Variants in SEPTIN9 observed in about 807,000 individuals in gnomAD.
SEPTIN9 encodes septin-9.
In SEPTIN9, 13 loss-of-function variants were observed where a neutral mutation model predicts 56.6. That is an observed-to-expected ratio of 0.23 (90% CI 0.15 to 0.37). The LOEUF is 0.37. Ranked by LOEUF, SEPTIN9 falls within the 10% of genes least tolerant of loss-of-function variation. SEPTIN9 has a pLI of 1.00. For synonymous variants in SEPTIN9, 332 were observed against 334.1 expected (o/e 0.99, Z 0.07); for missense variants, 650 against 823.1 (o/e 0.79, Z 2.57).
chr17:77,345,414 C>T (rs1184503281), intron 2 of SEPTIN9, among the ~76,000 whole-genome samples: 4 of 152,230 alleles, frequency 2.6e-5, no homozygotes, highest in Non-Finnish European at 5.9e-5. Flanking sequence ...GTCCTCCACA[C>T]CTTGCCACGT....
intron 3 of SEPTIN9, among the ~76,000 whole-genome samples, chr17:77,408,996 C>T (rs7216116): frequency 0.32 from 48,193 of 151,782 alleles, 8,401 homozygotes; most frequent in Non-Finnish European, 0.4. Flanking sequence ...TGTCATGCCT[C>T]GGGTCCTGAG....
intron 3 of SEPTIN9, among the ~76,000 whole-genome samples, chr17:77,480,701 C>G (rs538530312): frequency 6.6e-6 from 1 of 152,338 alleles, no homozygotes; most frequent in South Asian, 2.1e-4. Context: ...TGCTGGGTGC[C>G]CACCGGTCCC....
chr17:77,307,728 A>G (rs2032326751), intron 2 of SEPTIN9, among the ~76,000 whole-genome samples: 1 of 152,174 alleles, frequency 6.6e-6, no homozygotes, highest in Middle Eastern at 3.2e-3. Flanking sequence ...AATTTTCCAC[A>G]CTAACCAGTA....
At chr17:77,357,260 C>T (rs1436381674) in intron 2 of SEPTIN9, among the ~76,000 whole-genome samples, 1 of 152,156 alleles carries the variant, frequency 6.6e-6, no homozygotes, top group African/African-American at 2.4e-5. Flanking sequence ...AACAAGGACA[C>T]ATCCACAGGG....
rs8081800 is a variant in SEPTIN9 at position 77,460,021 on chromosome 17, G to A, written c.722-22123G>A. 9.6e-3 allele frequency among the ~76,000 whole-genome samples: 1,463 copies of A among 152,120 alleles called. 24 individuals carry two copies. Among genetic ancestry groups the A allele is most frequent in the African/African-American group, 0.031 (1,306 of 41,480 alleles). ...CAGATCTCCCGGACTTTGTGACCGT[G>A]GGGAGGGCACCAAACCATCCATGAG... On this transcript the variant is annotated intron_variant, in intron 3 of 11. Transcript: ENST00000427177.
chr17:77,480,115 G>T (rs1237016476), intron 3 of SEPTIN9, among the ~76,000 whole-genome samples: 1 of 152,196 alleles, frequency 6.6e-6, no homozygotes, highest in Admixed American at 6.5e-5. Flanking sequence ...CTGGCCTCCA[G>T]GTCCGCCTGT....
rs145703547 is a variant in SEPTIN9, at chr17:77,325,815, C to T, written c.76+18618C>T. ...GGGGCCACCCCTCATGATCTGGACA[C>T]AAGTCTCCATCCTGAAGCCACCACC... On this transcript the variant is annotated intron_variant, in intron 2 of 11. Coordinates refer to ENST00000427177, the MANE Select transcript of SEPTIN9 (RefSeq NM_001113491.2). Among the ~76,000 whole-genome samples, 538 of 152,236 alleles carry T rather than the reference C, an allele frequency of 3.5e-3. 4 individuals carry two copies. The highest frequency in any genetic ancestry group is 0.012 in the African/African-American group (504 of 41,540).
chr17:77,404,954 C>G, intron 3 of SEPTIN9: 1 of 847,250 alleles, frequency 1.2e-6, no homozygotes, highest in Non-Finnish European at 1.8e-6. Flanking sequence ...TGTTTCCTCC[C>G]CTGCCTTCTG....
rs772101247 is a variant in SEPTIN9 at position 77,421,708 on chromosome 17, C to T, written c.721+19005C>T. On this transcript the variant is annotated intron_variant, in intron 3 of 11. Transcript: ENST00000427177. This position sits in a 1 kb window ranked among gnomAD's most constrained non-coding sequence, Gnocchi z 4.6. ...ATTGGGCTGAGCTCTCTGCCTCGGC[C>T]GACGTCTTTCCCCAGGCACTTCCTC... Among the ~76,000 whole-genome samples, 6 of 152,294 alleles carry T rather than the reference C, an allele frequency of 3.9e-5. No individual in the cohort carries two copies. Among genetic ancestry groups the T allele is most frequent in the Admixed American group, 6.5e-5 (1 of 15,300 alleles).
At chr17:77,308,881 C>G (rs1187498387) in intron 2 of SEPTIN9, among the ~76,000 whole-genome samples, 1 of 152,184 alleles carries the variant, frequency 6.6e-6, no homozygotes, top group South Asian at 2.1e-4. Flanking sequence ...ATGTGAGGCC[C>G]CTTGCAGTAC....
intron 3 of SEPTIN9, among the ~76,000 whole-genome samples, chr17:77,410,390 TTCCAC>T (rs1399459079): frequency 6.6e-6 from 1 of 152,168 alleles, no homozygotes; most frequent in African/African-American, 2.4e-5. Flanking sequence ...TCAAGCTCGA[TTCCAC>T]TCCACGGCCC....
intron 3 of SEPTIN9, among the ~76,000 whole-genome samples, chr17:77,471,667 G>A (rs2039001827): frequency 6.6e-6 from 1 of 152,220 alleles, no homozygotes; most frequent in East Asian, 1.9e-4. Context: ...GGAAATTCCA[G>A]CCTGTGACAG....
Position 77,499,944 on chromosome 17 carries a change from C to T in SEPTIN9, c.*1286C>T, listed in dbSNP as rs937807515. The T allele has an allele frequency of 8.3e-5, 20 of 240,936 alleles. No individual in the cohort carries two copies. The highest frequency in any genetic ancestry group is 3.1e-4 in the African/African-American group (14 of 45,422). The allele number at this position is 240,936 out of a possible 1,614,324, so 14.9% of individuals were successfully genotyped here. A position where few individuals can be genotyped will look rare whatever the true frequency, so the allele number is the denominator to read the frequency against. ...TGAAGAGCAAGGTTTCGTGGCAGCA[C>T]GGCCCGGCCCCTCACCCTCTGTCCC... is the stretch of plus-strand genomic sequence containing the variant. On this transcript the variant is annotated 3_prime_UTR_variant, in exon 12 of 12. Coordinates refer to ENST00000427177, the MANE Select transcript of SEPTIN9 (RefSeq NM_001113491.2).
rs167498 is a variant in SEPTIN9, at chr17:77,493,162, A to G, written c.1573+86A>G. On this transcript the variant is annotated intron_variant, in intron 10 of 11. Transcript: ENST00000427177. The stretch of plus-strand genomic sequence containing the variant: ...AGAGCCTGTGGGCCACGCCTGAGCC[A>G]GGGACTCGTGGAACCTCATCCACTG... 0.47 allele frequency: 500,935 copies of G among 1,067,924 alleles called. 121,290 individuals carry two copies. The highest frequency in any genetic ancestry group is 0.65 in the African/African-American group (41,278 of 63,696). The allele number at this position is 1,067,924 out of a possible 1,614,324, so 66.2% of individuals were successfully genotyped here. A position where few individuals can be genotyped will look rare whatever the true frequency, so the allele number is the denominator to read the frequency against.
At chr17:77,496,014 C>CTTTTCT (rs1197388147) in intron 10 of SEPTIN9, among the ~76,000 whole-genome samples, 1 of 151,072 alleles carries the variant, frequency 6.6e-6, no homozygotes, top group African/African-American at 2.4e-5. Flanking sequence ...ATTTTCTTTT[C>CTTTTCT]TTTTCTTTTT....
At chr17:77,301,098 G>A (rs899321456) in intron 1 of SEPTIN9, among the ~76,000 whole-genome samples, 5 of 137,064 alleles carry the variant, frequency 3.6e-5, no homozygotes, top group South Asian at 2.5e-4. Flanking sequence ...GGCTCAAACC[G>A]CCCCCACCCC....
At position 77,435,389 on chromosome 17, in the gene SEPTIN9, G is replaced by C. The variant is rs117991143; in HGVS notation, c.721+32686G>C. 0.021 allele frequency among the ~76,000 whole-genome samples: 3,260 copies of C among 152,294 alleles called. 49 individuals are homozygous for C. The highest frequency in any genetic ancestry group is 0.061 in the Middle Eastern group (18 of 294). On this transcript the variant is annotated intron_variant, in intron 3 of 11. Transcript: ENST00000427177. This position sits in a 1 kb window ranked among gnomAD's most constrained non-coding sequence, Gnocchi z 4.5. ...CCTGATTCTGTGGCTTCTTGAGGTG[G>C]CTCACCCCTAAACACGCCCCCCATG... is the stretch of plus-strand genomic sequence containing the variant.
intron 3 of SEPTIN9, chr17:77,446,099 G>A (rs995425146): frequency 3.6e-5 from 6 of 167,274 alleles, no homozygotes; most frequent in Non-Finnish European, 4.4e-5. Context: ...GGCTACATTC[G>A]CTTCCTGTTG....
chr17:77,400,250 T>A lies in SEPTIN9; in HGVS notation c.77-1809T>A, dbSNP rs957970889. On this transcript the variant is annotated intron_variant, in intron 2 of 11. Coordinates refer to ENST00000427177, the MANE Select transcript of SEPTIN9 (RefSeq NM_001113491.2). This position sits in a 1 kb window ranked among gnomAD's most constrained non-coding sequence, Gnocchi z 4.1. ...GCCAGCATTTAAAGATCAGGAGATATCATATAAAGATCCAGATTTCTACTC... is the reference window on the plus strand; with the variant it reads ...GCCAGCATTTAAAGATCAGGAGATAACATATAAAGATCCAGATTTCTACTC... Among the ~76,000 whole-genome samples the A allele has an allele frequency of 6.6e-6, 1 of 152,110 alleles. No homozygotes were observed. Among genetic ancestry groups the A allele is most frequent in the Non-Finnish European group, 1.5e-5 (1 of 68,032 alleles).
Sources: allele counts gnomAD v4.1 joint callset (sites outside exome capture counted in the v4.1 genomes callset), GRCh38; gene constraint gnomAD v4.1.1; non-coding constraint Gnocchi (gnomAD v3.1); transcripts MANE v1.5; gene names NCBI Gene and HGNC (gene_info 2026-07-23, HGNC 2026-07-21).